The following SLC24A2 variants were observed in gnomAD, a reference collection of about 807,000 sequenced individuals.
SLC24A2 encodes solute carrier family 24 member 2, also known as sodium/potassium/calcium exchanger 2.
A neutral mutation model predicts 62.0 loss-of-function variants in SLC24A2; 36 were observed. The observed-to-expected ratio is 0.58, with a 90% CI of 0.44 to 0.77. The LOEUF is 0.77. Ranked by LOEUF, SLC24A2 falls within the 30% of genes least tolerant of loss-of-function variation. SLC24A2 has a pLI of 0.00. For synonymous variants in SLC24A2, 358 were observed against 294.0 expected (o/e 1.22, Z -2.23); for missense variants, 846 against 817.9 (o/e 1.03, Z -0.42).
chr9:19,871,659 G>GA, the SLC24A2 span, among the ~76,000 whole-genome samples: 1 of 152,028 alleles, frequency 6.6e-6, no homozygotes, highest in Non-Finnish European at 1.5e-5. Context: ...GTTGTTAATT[G>GA]AAAAAAGGCT....
At chr9:20,055,339 A>T in the SLC24A2 span, among the ~76,000 whole-genome samples, 1 of 152,236 alleles carries the variant, frequency 6.6e-6, no homozygotes, top group Non-Finnish European at 1.5e-5. Flanking sequence ...GGGAGAAATT[A>T]TGTTTTATTT....
chr9:19,895,861 G>T, the SLC24A2 span: 6 of 1,611,376 alleles, frequency 3.7e-6, no homozygotes, highest in Admixed American at 3.3e-5. Flanking sequence ...AGCAAAGAAG[G>T]GGTGCAGCAG....
chr9:19,628,054 A>G (rs1196379266), intron 2 of SLC24A2, among the ~76,000 whole-genome samples: 2 of 152,208 alleles, frequency 1.3e-5, no homozygotes, highest in East Asian at 3.8e-4. Flanking sequence ...ATGTATTAAT[A>G]TCTTTTACCC....
At chr9:19,597,614 C>G (rs1397945201) in intron 4 of SLC24A2, among the ~76,000 whole-genome samples, 4 of 152,164 alleles carry the variant, frequency 2.6e-5, no homozygotes, top group Non-Finnish European at 4.4e-5. Context: ...AGAGGTGACA[C>G]TCCGAGAGAA....
rs1168748443 is a variant in SLC24A2, at chr9:19,538,299, C to T, written c.1480-10161G>A. Reference sequence around the variant, plus strand: ...CTTGTGCCAGTTTTCAAAGGGAATGCTTCCAGTTTTTGCCCATTCGGTATG... The same window carrying T: ...CTTGTGCCAGTTTTCAAAGGGAATGTTTCCAGTTTTTGCCCATTCGGTATG... On this transcript the variant is annotated intron_variant, in intron 8 of 10. Coordinates refer to ENST00000341998, the MANE Select transcript of SLC24A2 (RefSeq NM_020344.4). 3.4e-5 allele frequency among the ~76,000 whole-genome samples: 5 copies of T among 145,920 alleles called. No individual in the cohort carries two copies. In the South Asian group the frequency reaches 8.8e-4, roughly 26 times the overall value.
intron 8 of SLC24A2, among the ~76,000 whole-genome samples, chr9:19,535,565 G>A (rs1484565746): frequency 1.3e-5 from 2 of 152,154 alleles, no homozygotes; most frequent in Admixed American, 1.3e-4. Flanking sequence ...TAAGTTTTCT[G>A]CATGTGACTA....
chr9:20,117,009 T>C, the SLC24A2 span, among the ~76,000 whole-genome samples: 1 of 152,126 alleles, frequency 6.6e-6, no homozygotes, highest in African/African-American at 2.4e-5. Flanking sequence ...CCAGGAAATA[T>C]ACCTCTACTA....
At chr9:20,138,702 G>A in the SLC24A2 span, among the ~76,000 whole-genome samples, 2 of 152,010 alleles carry the variant, frequency 1.3e-5, no homozygotes, top group Non-Finnish European at 2.9e-5. Context: ...ATTTTCTCAG[G>A]GAACTAAGGT....
At chr9:19,818,610 C>T in the SLC24A2 span, among the ~76,000 whole-genome samples, 1 of 151,642 alleles carries the variant, frequency 6.6e-6, no homozygotes, top group Non-Finnish European at 1.5e-5. Flanking sequence ...ATAGTAGTTG[C>T]AAAAAAATAC....
the SLC24A2 span, among the ~76,000 whole-genome samples, chr9:19,889,147 C>A: frequency 1.3e-5 from 2 of 152,178 alleles, no homozygotes; most frequent in South Asian, 2.1e-4. Context: ...TTCTACCACC[C>A]AATCTCTGCA....
chr9:19,737,804 A>C (rs980218268), intron 2 of SLC24A2, among the ~76,000 whole-genome samples: 1 of 152,022 alleles, frequency 6.6e-6, no homozygotes, highest in Non-Finnish European at 1.5e-5. Context: ...TGGTTTTAAA[A>C]AATTTAATGA....
intron 3 of SLC24A2, 86 bp downstream of exon 3, chr9:19,622,175 A>G (rs1817923721): frequency 9.5e-7 from 1 of 1,051,570 alleles, no homozygotes; most frequent in African/African-American, 1.6e-5. Flanking sequence ...TAATGTGTTG[A>G]GCACACAAAC....
chr9:19,969,183 CCACACACACACACACACA>C, the SLC24A2 span, among the ~76,000 whole-genome samples: 5 of 122,180 alleles, frequency 4.1e-5, no homozygotes, highest in African/African-American at 1.6e-4. Context: ...ACCTCCTTTG[CCACACACACACACACACA>C]CACACACACA....
the SLC24A2 span, among the ~76,000 whole-genome samples, chr9:20,302,919 G>A: frequency 2.4e-4 from 36 of 152,144 alleles, no homozygotes; most frequent in Non-Finnish European, 5.1e-4. Flanking sequence ...ACAGCATATT[G>A]ATAATTGTGC....
chr9:20,054,856 T>C, the SLC24A2 span, among the ~76,000 whole-genome samples: 1 of 152,242 alleles, frequency 6.6e-6, no homozygotes, highest in Non-Finnish European at 1.5e-5. Flanking sequence ...TCAGCCACTC[T>C]GATTAATGTT....
intron 3 of SLC24A2, among the ~76,000 whole-genome samples, chr9:19,621,692 A>G (rs1197119020): frequency 6.6e-6 from 1 of 152,210 alleles, no homozygotes; most frequent in East Asian, 1.9e-4. Context: ...TATCAATAAT[A>G]ACTCGTCATA....
chr9:19,987,273 A>G, the SLC24A2 span, among the ~76,000 whole-genome samples: 1 of 152,130 alleles, frequency 6.6e-6, no homozygotes, highest in Admixed American at 6.6e-5. Flanking sequence ...CCACTGGAAT[A>G]TAATGGGAGA....
intron 2 of SLC24A2, among the ~76,000 whole-genome samples, chr9:19,657,297 G>A (rs1462334602): frequency 1.3e-5 from 2 of 152,098 alleles, no homozygotes; most frequent in African/African-American, 4.8e-5. Flanking sequence ...GATCCTGTTT[G>A]TTGTCTTATT....
At chr9:20,263,866 C>CT in the SLC24A2 span, among the ~76,000 whole-genome samples, 2 of 85,952 alleles carry the variant, frequency 2.3e-5, no homozygotes, top group Non-Finnish European at 4.5e-5. Context: ...CACCCGCCCC[C>CT]CCCCCCCCAT....
Sources: allele counts gnomAD v4.1 joint callset (sites outside exome capture counted in the v4.1 genomes callset), GRCh38; gene constraint gnomAD v4.1.1; transcripts MANE v1.5; gene names NCBI Gene and HGNC (gene_info 2026-07-23, HGNC 2026-07-21).